The following QTMAN variants were observed in gnomAD, a reference collection of about 807,000 sequenced individuals.
The protein encoded by QTMAN is queuosine-tRNA mannosyltransferase, also known as tRNA-queuosine alpha-mannosyltransferase.
At chr2:144,214,999 T>C in the QTMAN span, among the ~76,000 whole-genome samples, 1 of 152,078 alleles carries the variant, frequency 6.6e-6, no homozygotes, top group African/African-American at 2.4e-5. Flanking sequence ...TCCTAGCACT[T>C]TGGGAGGCTG....
chr2:144,126,523 G>T, the QTMAN span, among the ~76,000 whole-genome samples: 1 of 151,932 alleles, frequency 6.6e-6, no homozygotes. Context: ...TATTTGAGGG[G>T]ATGCATACAG....
At chr2:144,300,583 T>TA in the QTMAN span, among the ~76,000 whole-genome samples, 1 of 152,208 alleles carries the variant, frequency 6.6e-6, no homozygotes, top group Non-Finnish European at 1.5e-5. Context: ...TAGCTAGAGA[T>TA]ATACACCATA....
the QTMAN span, among the ~76,000 whole-genome samples, chr2:144,256,816 C>T: frequency 3.3e-5 from 5 of 151,808 alleles, no homozygotes; most frequent in East Asian, 3.9e-4. Flanking sequence ...CACCATGGCA[C>T]ATGTACACCT....
chr2:144,103,741 A>T, the QTMAN span, among the ~76,000 whole-genome samples: 74 of 152,370 alleles, frequency 4.9e-4, no homozygotes, highest in Non-Finnish European at 8.1e-4. Context: ...TATCAAAAAT[A>T]CAAATTTTGT....
the QTMAN span, chr2:144,208,846 C>T: frequency 8.7e-7 from 1 of 1,151,810 alleles, no homozygotes; most frequent in Admixed American, 2.5e-5. Flanking sequence ...CCATTACATA[C>T]ATGTATAAAA....
the QTMAN span, among the ~76,000 whole-genome samples, chr2:143,988,142 C>T: frequency 6.6e-6 from 1 of 152,190 alleles, no homozygotes; most frequent in Admixed American, 6.5e-5. Flanking sequence ...GTACTAAAAG[C>T]AAGCTTGCTG....
the QTMAN span, among the ~76,000 whole-genome samples, chr2:144,296,211 A>G: frequency 6.6e-6 from 1 of 152,206 alleles, no homozygotes; most frequent in South Asian, 2.1e-4. Flanking sequence ...GATAGGAATA[A>G]TTTGTGTTGC....
chr2:144,105,888 A>G, the QTMAN span, among the ~76,000 whole-genome samples: 12 of 152,364 alleles, frequency 7.9e-5, no homozygotes, highest in South Asian at 2.5e-3. Context: ...GAAGCCCATT[A>G]GACTAACAGT....
the QTMAN span, among the ~76,000 whole-genome samples, chr2:144,221,710 T>C: frequency 6.6e-6 from 1 of 152,234 alleles, no homozygotes; most frequent in African/African-American, 2.4e-5. Context: ...ACTGAAGGCG[T>C]CCTCCCTTCC....
At chr2:144,183,342 C>T in the QTMAN span, among the ~76,000 whole-genome samples, 9 of 152,068 alleles carry the variant, frequency 5.9e-5, no homozygotes, top group African/African-American at 2.2e-4. Flanking sequence ...CCCCATCTGT[C>T]TATGTTTTTC....
chr2:144,300,356 A>G, the QTMAN span, among the ~76,000 whole-genome samples: 1 of 152,230 alleles, frequency 6.6e-6, no homozygotes, highest in Admixed American at 6.5e-5. Flanking sequence ...AGAAAAATAT[A>G]AATGAACAAG....
At chr2:144,165,208 A>G in the QTMAN span, among the ~76,000 whole-genome samples, 2,106 of 152,070 alleles carry the variant, frequency 0.014, 50 homozygotes, top group African/African-American at 0.049. Flanking sequence ...TATCTCTACT[A>G]AAAATACAAA....
chr2:144,274,928 T>C, the QTMAN span, among the ~76,000 whole-genome samples: 18 of 152,076 alleles, frequency 1.2e-4, no homozygotes, highest in Non-Finnish European at 2.5e-4. Flanking sequence ...ACTGAGCCCT[T>C]AGCTGTAGAA....
the QTMAN span, among the ~76,000 whole-genome samples, chr2:144,108,493 G>T: frequency 6.6e-6 from 1 of 152,052 alleles, no homozygotes; most frequent in East Asian, 1.9e-4. Context: ...CAAAAAATTA[G>T]CCAGAGTGGT....
the QTMAN span, among the ~76,000 whole-genome samples, chr2:144,197,319 G>GTGTATA: frequency 1.4e-5 from 2 of 143,532 alleles, no homozygotes; most frequent in Non-Finnish European, 3.1e-5. Context: ...GTGTGTGTGT[G>GTGTATA]TATATATATA....
At chr2:144,160,590 C>T in the QTMAN span, among the ~76,000 whole-genome samples, 1 of 152,046 alleles carries the variant, frequency 6.6e-6, no homozygotes, top group Non-Finnish European at 1.5e-5. Context: ...AACATGGTAA[C>T]TTATGCGCAG....
the QTMAN span, among the ~76,000 whole-genome samples, chr2:144,306,458 T>C: frequency 6.6e-6 from 1 of 152,192 alleles, no homozygotes. Flanking sequence ...TCCTCACTTG[T>C]AGATGGCTGC....
chr2:143,988,303 C>A, the QTMAN span, among the ~76,000 whole-genome samples: 5 of 152,158 alleles, frequency 3.3e-5, no homozygotes, highest in Non-Finnish European at 7.3e-5. Context: ...AATCATGCAA[C>A]CTGTGGGCAG....
At chr2:143,996,082 T>C in the QTMAN span, among the ~76,000 whole-genome samples, 1 of 152,086 alleles carries the variant, frequency 6.6e-6, no homozygotes, top group Non-Finnish European at 1.5e-5. Context: ...TCCACTAAGG[T>C]AGGTTCACTA....
Sources: allele counts gnomAD v4.1 joint callset (sites outside exome capture counted in the v4.1 genomes callset), GRCh38; gene constraint gnomAD v4.1.1; transcripts MANE v1.5; gene names NCBI Gene and HGNC (gene_info 2026-07-23, HGNC 2026-07-21).